The following NOS1AP variants were observed in gnomAD, a reference collection of about 807,000 sequenced individuals.
The protein encoded by NOS1AP is carboxyl-terminal PDZ ligand of neuronal nitric oxide synthase protein.
Under a neutral mutation model 56.2 loss-of-function variants are expected in NOS1AP, and 21 were observed. The observed-to-expected ratio is 0.37, with a 90% CI of 0.26 to 0.54. NOS1AP has a LOEUF of 0.54. Among genes scored for constraint, NOS1AP ranks in the 20% least tolerant of loss-of-function variants. The pLI, the probability that NOS1AP is intolerant of heterozygous loss-of-function variation, is 0.84. For missense variants in NOS1AP, 522 were observed against 657.8 expected (o/e 0.79, Z 2.26); for synonymous variants, 270 against 274.6 (o/e 0.98, Z 0.17).
At chr1:162,101,988 G>C (rs1007771285) in intron 1 of NOS1AP, among the ~76,000 whole-genome samples, 3 of 152,096 alleles carry the variant, frequency 2.0e-5, no homozygotes, top group African/African-American at 4.8e-5. Flanking sequence ...TTGAATAGGA[G>C]TGGTGATAGA....
intron 1 of NOS1AP, among the ~76,000 whole-genome samples, chr1:162,099,332 C>T (rs1326277476): frequency 3.3e-5 from 5 of 151,988 alleles, no homozygotes; most frequent in Non-Finnish European, 5.9e-5. Flanking sequence ...GGACTACAGG[C>T]GCCTGTCACT....
intron 2 of NOS1AP, among the ~76,000 whole-genome samples, chr1:162,158,253 T>C (rs1557809651): frequency 2.6e-5 from 4 of 152,222 alleles, no homozygotes. Context: ...TTTGTCCTTT[T>C]TTTGACTGGC....
intron 1 of NOS1AP, among the ~76,000 whole-genome samples, chr1:162,077,254 C>T (rs908550977): frequency 2.6e-5 from 4 of 152,072 alleles, no homozygotes; most frequent in Non-Finnish European, 5.9e-5. Flanking sequence ...TAGCCATCCT[C>T]CTGGGTGTGA....
chr1:162,115,014 C>G (rs531207087), intron 1 of NOS1AP, among the ~76,000 whole-genome samples: 1 of 152,308 alleles, frequency 6.6e-6, no homozygotes, highest in Admixed American at 6.5e-5. Context: ...CTTATGTCTC[C>G]TTGTTATAGC....
chr1:162,194,264 A>G (rs1651731103), intron 2 of NOS1AP, among the ~76,000 whole-genome samples: 1 of 152,044 alleles, frequency 6.6e-6, no homozygotes, highest in Non-Finnish European at 1.5e-5. Flanking sequence ...AGCCATTACT[A>G]CTTTAATAGA....
At chr1:162,100,664 T>C (rs1360992807) in intron 1 of NOS1AP, among the ~76,000 whole-genome samples, 1 of 151,814 alleles carries the variant, frequency 6.6e-6, no homozygotes, top group Non-Finnish European at 1.5e-5. Flanking sequence ...AATTTCGGCT[T>C]TTGTTGCCAT....
intron 2 of NOS1AP, among the ~76,000 whole-genome samples, chr1:162,169,732 T>G (rs1650672637): frequency 6.6e-6 from 1 of 152,112 alleles, no homozygotes; most frequent in Non-Finnish European, 1.5e-5. Flanking sequence ...TTCAAAAACT[T>G]TCAGTGGCTC....
chr1:162,279,952 G>C lies in NOS1AP; in HGVS notation c.178-7392G>C, dbSNP rs377073660. Among the ~76,000 whole-genome samples the C allele has an allele frequency of 1.4e-4, 22 of 152,276 alleles. No homozygotes were observed. In the East Asian group the frequency reaches 2.1e-3, roughly 15 times the overall value. ...GCACTGGTTTCTTCATCTATAAGATGAAAAGCTTGGTCAACCCTGGTGGCC... is the reference window on the plus strand; with the variant it reads ...GCACTGGTTTCTTCATCTATAAGATCAAAAGCTTGGTCAACCCTGGTGGCC... On this transcript the variant is annotated intron_variant, in intron 2 of 9. Transcript: ENST00000361897.
intron 4 of NOS1AP, among the ~76,000 whole-genome samples, chr1:162,320,993 A>G (rs1656396254): frequency 6.6e-6 from 1 of 152,204 alleles, no homozygotes. Context: ...ACAGTCCTTT[A>G]AAAAGCAGCA....
intron 1 of NOS1AP, among the ~76,000 whole-genome samples, chr1:162,080,625 G>A (rs1570992724): frequency 6.6e-6 from 1 of 152,186 alleles, no homozygotes; most frequent in African/African-American, 2.4e-5. Flanking sequence ...AACATGAGAA[G>A]TGCTGTTTGC....
At chr1:162,186,546 C>G (rs907289796) in intron 2 of NOS1AP, among the ~76,000 whole-genome samples, 1 of 152,128 alleles carries the variant, frequency 6.6e-6, no homozygotes, top group African/African-American at 2.4e-5. Flanking sequence ...GAAACTCTAA[C>G]CCCCAATGGG....
intron 2 of NOS1AP, among the ~76,000 whole-genome samples, chr1:162,255,883 G>A (rs773889817): frequency 3.9e-5 from 6 of 152,192 alleles, no homozygotes; most frequent in Non-Finnish European, 5.9e-5. Flanking sequence ...GGTGGCTTAC[G>A]CCTGTAATCC....
intron 2 of NOS1AP, among the ~76,000 whole-genome samples, chr1:162,237,413 A>G (rs930583493): frequency 1.3e-5 from 2 of 152,112 alleles, no homozygotes; most frequent in Non-Finnish European, 2.9e-5. Flanking sequence ...TCAGTCAGCC[A>G]CTCACTCTCA....
chr1:162,278,612 A>C (rs1438637619), intron 2 of NOS1AP, among the ~76,000 whole-genome samples: 2 of 151,802 alleles, frequency 1.3e-5, no homozygotes, highest in Admixed American at 1.3e-4. Context: ...AGAAAACCGT[A>C]AATCCTTGAT....
At chr1:162,085,531 T>C (rs1691983962) in intron 1 of NOS1AP, among the ~76,000 whole-genome samples, 1 of 152,188 alleles carries the variant, frequency 6.6e-6, no homozygotes, top group African/African-American at 2.4e-5. Context: ...CATAAATTCT[T>C]ATTTCACTAA....
intron 2 of NOS1AP, among the ~76,000 whole-genome samples, chr1:162,204,008 C>T (rs1020233405): frequency 6.6e-6 from 1 of 152,368 alleles, no homozygotes. Flanking sequence ...TTAGCAGGCT[C>T]GCCTTACTGT....
At chr1:162,223,818 A>G (rs1386387435) in intron 2 of NOS1AP, among the ~76,000 whole-genome samples, 1 of 152,232 alleles carries the variant, frequency 6.6e-6, no homozygotes, top group African/African-American at 2.4e-5. Flanking sequence ...GGAAAAAGCC[A>G]AAAGGAAGCC....
At position 162,273,034 on chromosome 1, in the gene NOS1AP, C is replaced by T. The variant is rs958226033; in HGVS notation, c.178-14310C>T. Among the ~76,000 whole-genome samples the T allele has an allele frequency of 4.6e-5, 7 of 152,120 alleles. No individual in the cohort carries two copies. The East Asian group carries it at 5.8e-4, about 13-fold the overall frequency. On this transcript the variant is annotated intron_variant, in intron 2 of 9. Coordinates refer to ENST00000361897, the MANE Select transcript of NOS1AP (RefSeq NM_014697.3). ...CATTGCCCTAGCTTAGTGACCCTAC[C>T]AGTGCCTGGACTGGCTGTGTATAGG...
At chr1:162,293,853 A>G (rs1453349209) in intron 3 of NOS1AP, among the ~76,000 whole-genome samples, 1 of 152,210 alleles carries the variant, frequency 6.6e-6, no homozygotes, top group East Asian at 1.9e-4. Flanking sequence ...CTTAGTGTTC[A>G]CCTTTAAGGT....
Sources: allele counts gnomAD v4.1 joint callset (sites outside exome capture counted in the v4.1 genomes callset), GRCh38; gene constraint gnomAD v4.1.1; transcripts MANE v1.5; gene names NCBI Gene and HGNC (gene_info 2026-07-23, HGNC 2026-07-21).